The following TSPAN12 variants were observed in gnomAD, a reference collection of about 807,000 sequenced individuals.
TSPAN12 encodes the protein tetraspanin 12.
Under a neutral mutation model 39.2 loss-of-function variants are expected in TSPAN12, and 19 were observed. That is an observed-to-expected ratio of 0.49 (90% CI 0.34 to 0.71). The LOEUF is 0.71. Among genes scored for constraint, TSPAN12 ranks in the 30% least tolerant of loss-of-function variants. The probability of loss-of-function intolerance (pLI) is 0.01; values close to 1 mark genes in which losing one functional copy is unlikely to be tolerated. For synonymous variants in TSPAN12, 119 were observed against 124.8 expected, an observed-to-expected ratio of 0.95 and a Z score of 0.31; for missense variants, 314 against 359.9, an observed-to-expected ratio of 0.87 and a Z score of 1.03.
chr7:120,791,676 G>T (rs1158945539), intron 7 of TSPAN12, among the ~76,000 whole-genome samples: 1 of 151,484 alleles, frequency 6.6e-6, no homozygotes, highest in Non-Finnish European at 1.5e-5. Context: ...CAAGGCAGAG[G>T]TTGATAATTA....
chr7:120,797,906 T>G (rs983875358), intron 7 of TSPAN12, among the ~76,000 whole-genome samples: 2 of 152,222 alleles, frequency 1.3e-5, no homozygotes, highest in African/African-American at 2.4e-5. Context: ...AATCTTCAGC[T>G]TAATTTCCCC....
intron 4 of TSPAN12, among the ~76,000 whole-genome samples, chr7:120,818,936 T>G (rs1212446557): frequency 1.3e-5 from 2 of 152,238 alleles, no homozygotes; most frequent in Middle Eastern, 3.4e-3. Flanking sequence ...ATGCTTTACT[T>G]AAGAGATTTC....
At chr7:120,821,428 T>C (rs891645529) in intron 4 of TSPAN12, among the ~76,000 whole-genome samples, 3 of 141,120 alleles carry the variant, frequency 2.1e-5, no homozygotes, top group African/African-American at 5.3e-5. Context: ...TCTTGTTGAC[T>C]TAAAAAAAAA....
intron 4 of TSPAN12, among the ~76,000 whole-genome samples, chr7:120,817,735 A>G (rs1286832909): frequency 1.3e-5 from 2 of 152,112 alleles, no homozygotes; most frequent in African/African-American, 4.8e-5. Flanking sequence ...TCTGAAAATC[A>G]TCCTACTAAT....
chr7:120,788,246 C>A lies in TSPAN12; in HGVS notation c.*346G>T. 3.4e-6 allele frequency: 1 copy of A among 297,878 alleles called. No individual in the cohort carries two copies. Among genetic ancestry groups the A allele is most frequent in the Non-Finnish European group, 6.3e-6 (1 of 157,654 alleles). 18.5% of individuals were successfully genotyped at this position (297,878 alleles called of 1,614,324 possible). ...GTTGGTAGAAGTAAATCAACCTTTA[C>A]TATGGCTCCAGTCCCACCATATGTG... is the stretch of plus-strand genomic sequence containing the variant. On this transcript the variant is annotated 3_prime_UTR_variant, in exon 8 of 8. Coordinates refer to ENST00000222747, the MANE Select transcript of TSPAN12 (RefSeq NM_012338.4).
intron 7 of TSPAN12, among the ~76,000 whole-genome samples, chr7:120,802,357 G>A (rs956838244): frequency 1.1e-4 from 17 of 152,104 alleles, no homozygotes; most frequent in African/African-American, 4.1e-4. Flanking sequence ...CTTACTTTTT[G>A]TCAACTGGTC....
intron 4 of TSPAN12, among the ~76,000 whole-genome samples, chr7:120,831,006 A>G (rs1794380603): frequency 1.3e-5 from 2 of 152,232 alleles, no homozygotes; most frequent in South Asian, 4.1e-4. Flanking sequence ...TTCTTAAAAG[A>G]TGACATGCAA....
chr7:120,848,914 C>T (rs555847104), intron 2 of TSPAN12, among the ~76,000 whole-genome samples: 1 of 152,336 alleles, frequency 6.6e-6, no homozygotes, highest in African/African-American at 2.4e-5. Flanking sequence ...ACTAGGTCAA[C>T]TCAATAACTA....
At chr7:120,826,735 T>G (rs1794295478) in intron 4 of TSPAN12, among the ~76,000 whole-genome samples, 1 of 152,166 alleles carries the variant, frequency 6.6e-6, no homozygotes, top group East Asian at 1.9e-4. Context: ...TATTAAATTT[T>G]TTTTGGAGAC....
intron 5 of TSPAN12, chr7:120,814,092 G>A (rs1441310540): frequency 4.9e-6 from 2 of 404,220 alleles, no homozygotes; most frequent in African/African-American, 4.1e-5. Flanking sequence ...ATGTAAATTG[G>A]AGTGTGCAGA....
chr7:120,839,119 TG>T (rs1461195283), intron 3 of TSPAN12, among the ~76,000 whole-genome samples: 4 of 152,200 alleles, frequency 2.6e-5, no homozygotes, highest in Non-Finnish European at 5.9e-5. Flanking sequence ...TTGCAGTGTT[TG>T]TTTTTTTTAA....
At chr7:120,811,441 G>T (rs1364072795) in intron 5 of TSPAN12, among the ~76,000 whole-genome samples, 1 of 152,080 alleles carries the variant, frequency 6.6e-6, no homozygotes, top group Non-Finnish European at 1.5e-5. Context: ...GGCCAAGACG[G>T]GCGGATCACG....
chr7:120,829,339 T>C (rs1053325642), intron 4 of TSPAN12, among the ~76,000 whole-genome samples: 23 of 152,154 alleles, frequency 1.5e-4, no homozygotes, highest in South Asian at 6.2e-4. Context: ...TAATCTTATT[T>C]AGCCAACAAC....
chr7:120,798,256 C>G (rs1247888329), intron 7 of TSPAN12, among the ~76,000 whole-genome samples: 3 of 152,114 alleles, frequency 2.0e-5, no homozygotes, highest in Admixed American at 6.5e-5. Flanking sequence ...GATCTTCCCC[C>G]CTACCAAGCC....
intron 4 of TSPAN12, among the ~76,000 whole-genome samples, chr7:120,818,733 G>A (rs1794131880): frequency 6.6e-6 from 1 of 151,924 alleles, no homozygotes; most frequent in African/African-American, 2.4e-5. Context: ...TTTTGTTAAG[G>A]GGCTCTCATT....
At position 120,836,091 on chromosome 7, in the gene TSPAN12, C is replaced by T. The variant is rs74369323; in HGVS notation, c.285+2686G>A. 9.9e-5 allele frequency among the ~76,000 whole-genome samples: 15 copies of T among 152,170 alleles called. No individual in the cohort carries two copies. In the East Asian group the frequency reaches 2.9e-3, roughly 29 times the overall value. ...TTAGGAAAGCCTGAACTTGGGCATC[C>T]CAGAGGAGGACAGAAAAGAGAGGAC... On this transcript the variant is annotated intron_variant, in intron 4 of 7. Coordinates refer to ENST00000222747, the MANE Select transcript of TSPAN12 (RefSeq NM_012338.4).
At chr7:120,847,244 AAAAC>A (rs890895959) in intron 2 of TSPAN12, among the ~76,000 whole-genome samples, 9 of 151,398 alleles carry the variant, frequency 5.9e-5, no homozygotes, top group African/African-American at 2.2e-4. Flanking sequence ...AAAAAAAAAA[AAAAC>A]AAAAAACCAG....
At chr7:120,856,859 A>G (rs1166079420) in intron 1 of TSPAN12, 26 bp from the exon 2 acceptor site, 1 of 1,311,384 alleles carries the variant, frequency 7.6e-7, no homozygotes, top group African/African-American at 1.5e-5. Context: ...GAGAGAGAAC[A>G]CGGGACATCT....
intron 7 of TSPAN12, among the ~76,000 whole-genome samples, chr7:120,792,476 G>T (rs1007713710): frequency 6.6e-6 from 1 of 151,514 alleles, no homozygotes; most frequent in Non-Finnish European, 1.5e-5. Context: ...TGGAGATCTC[G>T]AAAGTTACAC....
Sources: allele counts gnomAD v4.1 joint callset (sites outside exome capture counted in the v4.1 genomes callset), GRCh38; gene constraint gnomAD v4.1.1; transcripts MANE v1.5; gene names NCBI Gene and HGNC (gene_info 2026-07-23, HGNC 2026-07-21).